The following IQCM variants were observed in gnomAD, a reference collection of about 807,000 sequenced individuals.
The protein encoded by IQCM is IQ domain-containing protein M.
In IQCM, 45 loss-of-function variants were observed where a neutral mutation model predicts 57.6. The observed-to-expected ratio is 0.78, with a 90% confidence interval of 0.62 to 1.00. IQCM has a LOEUF of 1.00. Among genes scored for constraint, IQCM ranks in the 50% least tolerant of loss-of-function variants. The pLI, the probability that IQCM is intolerant of heterozygous loss-of-function variation, is 0.00. For missense variants in IQCM, 468 were observed against 511.6 expected, an observed-to-expected ratio of 0.91 and a Z score of 0.82; for synonymous variants, 148 against 158.9, an observed-to-expected ratio of 0.93 and a Z score of 0.51.
chr4:149,669,625 C>A (rs1761067175), intron 7 of IQCM, among the ~76,000 whole-genome samples: 1 of 152,122 alleles, frequency 6.6e-6, no homozygotes, highest in Admixed American at 6.6e-5. Context: ...ACATTTAAGT[C>A]TTTAATCCAT....
chr4:149,635,101 C>T (rs540726852), intron 7 of IQCM, among the ~76,000 whole-genome samples: 1 of 152,242 alleles, frequency 6.6e-6, no homozygotes, highest in East Asian at 1.9e-4. Context: ...AATTAAACAT[C>T]TATTCATGAG....
At position 149,635,560 on chromosome 4, in the gene IQCM, T is replaced by G. The variant is rs984850587; in HGVS notation, c.566-14316A>C. Reference sequence around the variant, plus strand: ...GTTAAGCTATTAGAATAAAAATTCATTTCAAAGTTTCCAATTTTAATTATG... The same window carrying G: ...GTTAAGCTATTAGAATAAAAATTCAGTTCAAAGTTTCCAATTTTAATTATG... On this transcript the variant is annotated intron_variant, in intron 7 of 13. Coordinates refer to ENST00000636793, the MANE Select transcript of IQCM (RefSeq NM_001363507.2). Among the ~76,000 whole-genome samples, 10 of 152,212 alleles carry G rather than the reference T, an allele frequency of 6.6e-5. 1 individual carries two copies. In the South Asian group the frequency reaches 1.7e-3, roughly 25 times the overall value.
At chr4:149,617,870 T>C (rs1755939704) in intron 8 of IQCM, among the ~76,000 whole-genome samples, 2 of 151,936 alleles carry the variant, frequency 1.3e-5, no homozygotes, top group Admixed American at 1.3e-4. Context: ...CACAAACAAA[T>C]GGAAAAGCAT....
chr4:149,755,972 T>A lies in IQCM; in HGVS notation c.-48-13233A>T, dbSNP rs1768921926. On this transcript the variant is annotated intron_variant, in intron 2 of 13. Coordinates refer to ENST00000636793, the MANE Select transcript of IQCM (RefSeq NM_001363507.2). The stretch of plus-strand genomic sequence containing the variant: ...AGTCCAAATGTAAAAGATAGCAGAG[T>A]CACATAGCAGAATAAGAAGGCTGGG... 2.6e-5 allele frequency among the ~76,000 whole-genome samples: 4 copies of A among 152,184 alleles called. No individual in the cohort carries two copies. In the South Asian group the frequency reaches 8.3e-4, roughly 32 times the overall value.
At chr4:149,702,750 G>T (rs1301962887) in intron 5 of IQCM, among the ~76,000 whole-genome samples, 1 of 151,912 alleles carries the variant, frequency 6.6e-6, no homozygotes, top group African/African-American at 2.4e-5. Context: ...CAATTTAAAA[G>T]AATTTTTCCA....
chr4:149,770,914 T>C (rs2149987117), intron 2 of IQCM, among the ~76,000 whole-genome samples: 1 of 152,120 alleles, frequency 6.6e-6, no homozygotes, highest in Middle Eastern at 3.4e-3. Context: ...TATAGTATTG[T>C]ACAGAAGGTT....
At chr4:149,445,719 T>C (rs1338753518) in intron 12 of IQCM, among the ~76,000 whole-genome samples, 1 of 151,780 alleles carries the variant, frequency 6.6e-6, no homozygotes, top group Non-Finnish European at 1.5e-5. Context: ...CTAACAGCTG[T>C]TTCTCTGATG....
chr4:149,511,205 A>G (rs925163621), intron 12 of IQCM, among the ~76,000 whole-genome samples: 14 of 152,140 alleles, frequency 9.2e-5, no homozygotes, highest in Non-Finnish European at 1.5e-5. Flanking sequence ...TCAGATACCA[A>G]CTTACATATC....
intron 13 of IQCM, among the ~76,000 whole-genome samples, chr4:149,357,008 T>C (rs1458125323): frequency 6.6e-6 from 1 of 152,216 alleles, no homozygotes; most frequent in African/African-American, 2.4e-5. Context: ...TTTGAAGCAA[T>C]TGTGAATGGG....
intron 2 of IQCM, among the ~76,000 whole-genome samples, chr4:149,774,113 CT>C (rs1770841607): frequency 6.6e-6 from 1 of 151,980 alleles, no homozygotes; most frequent in African/African-American, 2.4e-5. Flanking sequence ...AATCTCTAGG[CT>C]TCATTATTTT....
At chr4:149,401,590 T>C (rs1732624577) in intron 13 of IQCM, among the ~76,000 whole-genome samples, 1 of 151,832 alleles carries the variant, frequency 6.6e-6, no homozygotes, top group African/African-American at 2.4e-5. Context: ...AAACATCTCA[T>C]GGAAATATAT....
At chr4:149,643,725 G>A (rs980577921) in intron 7 of IQCM, among the ~76,000 whole-genome samples, 2 of 151,574 alleles carry the variant, frequency 1.3e-5, no homozygotes, top group African/African-American at 2.4e-5. Flanking sequence ...TGTCAGTCAG[G>A]ACAAGCCTTG....
At chr4:149,463,416 C>G (rs902022382) in intron 12 of IQCM, among the ~76,000 whole-genome samples, 8 of 152,206 alleles carry the variant, frequency 5.3e-5, no homozygotes, top group African/African-American at 1.9e-4. Context: ...TGCCCTGAAA[C>G]TCATCTATTT....
chr4:149,611,232 T>C (rs1025826176), intron 8 of IQCM, among the ~76,000 whole-genome samples: 1 of 151,322 alleles, frequency 6.6e-6, no homozygotes. Context: ...TGCAGAGAAA[T>C]GAAAAATGTA....
At chr4:149,606,961 T>C (rs1251641904) in intron 8 of IQCM, among the ~76,000 whole-genome samples, 2 of 152,006 alleles carry the variant, frequency 1.3e-5, no homozygotes, top group Admixed American at 6.6e-5. Context: ...TTAAAGAAGA[T>C]ATAGACACAG....
At chr4:149,595,762 G>T (rs1404911612) in intron 8 of IQCM, among the ~76,000 whole-genome samples, 1 of 152,232 alleles carries the variant, frequency 6.6e-6, no homozygotes, top group South Asian at 2.1e-4. Flanking sequence ...TTCCAGGAAT[G>T]CAAACAAACC....
At chr4:149,481,701 G>GTTGTTGTTTTTTTTTTTTTTTT (rs1740816388) in intron 12 of IQCM, among the ~76,000 whole-genome samples, 1 of 51,550 alleles carries the variant, frequency 1.9e-5, no homozygotes, top group African/African-American at 7.6e-5. Flanking sequence ...TTCCAGTTTT[G>GTTGTTGTTTTTTTTTTTTTTTT]TTTTTTTTTT....
At chr4:149,599,422 T>G (rs116613067) in intron 8 of IQCM, among the ~76,000 whole-genome samples, 1,964 of 152,124 alleles carry the variant, frequency 0.013, 34 homozygotes, top group Non-Finnish European at 0.022. Flanking sequence ...TGTATGGAAA[T>G]GTAAGAGAAT....
chr4:149,791,557 C>T (rs569782981), intron 2 of IQCM, among the ~76,000 whole-genome samples: 14 of 152,228 alleles, frequency 9.2e-5, no homozygotes, highest in African/African-American at 2.9e-4. Context: ...TCCCACTAAC[C>T]ATTCCCTCTT....
Sources: gnomAD v4.1 joint callset for allele counts (sites outside exome capture counted in the v4.1 genomes callset) on GRCh38, gnomAD v4.1.1 for gene constraint, MANE v1.5 for transcripts, NCBI Gene and HGNC (gene_info 2026-07-23, HGNC 2026-07-21) for gene names.